SLC35F3: variants seen among roughly 807,000 people sequenced by gnomAD.
SLC35F3 encodes the protein putative thiamine transporter SLC35F3.
In SLC35F3, 25 loss-of-function variants were observed where a neutral mutation model predicts 49.9. That is an observed-to-expected ratio of 0.50 (90% CI 0.37 to 0.70). The LOEUF (loss-of-function observed/expected upper bound fraction) is 0.70, where lower values mean the gene tolerates loss of function less well. Ranked by LOEUF, SLC35F3 falls within the 30% of genes least tolerant of loss-of-function variation. SLC35F3 has a pLI of 0.00. For missense variants in SLC35F3, 525 were observed against 639.8 expected, an observed-to-expected ratio of 0.82 and a Z score of 1.94; for synonymous variants, 275 against 265.4, an observed-to-expected ratio of 1.04 and a Z score of -0.35.
intron 3 of SLC35F3, among the ~76,000 whole-genome samples, chr1:234,288,739 G>A (rs944050432): frequency 6.6e-6 from 1 of 152,170 alleles, no homozygotes; most frequent in African/African-American, 2.4e-5. Context: ...GGAAACTAAG[G>A]ATCCCAAAGA....
chr1:234,131,246 C>G (rs1665731910), intron 2 of SLC35F3, among the ~76,000 whole-genome samples: 1 of 152,112 alleles, frequency 6.6e-6, no homozygotes, highest in Admixed American at 6.6e-5. Flanking sequence ...AAATAAAAAG[C>G]TTATTAATGT....
chr1:234,005,814 T>A (rs1179471449), intron 2 of SLC35F3, among the ~76,000 whole-genome samples: 2 of 151,898 alleles, frequency 1.3e-5, no homozygotes, highest in African/African-American at 2.4e-5. Flanking sequence ...CTAAATCAAG[T>A]TGGATGGTTT....
intron 2 of SLC35F3, among the ~76,000 whole-genome samples, chr1:234,081,462 G>C (rs1373678480): frequency 2.0e-5 from 3 of 152,164 alleles, no homozygotes; most frequent in Non-Finnish European, 4.4e-5. Context: ...GTTTCCCAGA[G>C]TCAGGACCTG....
chr1:233,933,196 T>G (rs1356724300), intron 2 of SLC35F3, among the ~76,000 whole-genome samples: 1 of 152,194 alleles, frequency 6.6e-6, no homozygotes. Flanking sequence ...TTTAAAAGTT[T>G]TATCTATGTT....
intron 2 of SLC35F3, among the ~76,000 whole-genome samples, chr1:234,134,444 T>G (rs1244449542): frequency 1.3e-5 from 2 of 148,524 alleles, no homozygotes; most frequent in Non-Finnish European, 3.0e-5. Context: ...TATATAAATA[T>G]CCAAATTAAA....
chr1:234,153,849 G>A (rs931526697), intron 2 of SLC35F3, among the ~76,000 whole-genome samples: 48 of 152,248 alleles, frequency 3.2e-4, no homozygotes, highest in Non-Finnish European at 2.5e-4. Context: ...TGAGGCGGGC[G>A]GATCACGAGG....
intron 2 of SLC35F3, among the ~76,000 whole-genome samples, chr1:234,048,701 G>T (rs1163794616): frequency 6.6e-6 from 1 of 152,200 alleles, no homozygotes; most frequent in African/African-American, 2.4e-5. Flanking sequence ...TACATTCAGG[G>T]GTGGGACCAT....
chr1:233,939,707 G>A (rs780019994), intron 2 of SLC35F3, among the ~76,000 whole-genome samples: 5 of 152,158 alleles, frequency 3.3e-5, no homozygotes, highest in Non-Finnish European at 7.4e-5. Context: ...GCTGATCCCT[G>A]CTCCTGGCAC....
At chr1:234,213,479 A>C (rs1438947909) in intron 2 of SLC35F3, 1 of 152,258 alleles carries the variant, frequency 6.6e-6, no homozygotes, top group Non-Finnish European at 1.5e-5. Flanking sequence ...ACCTCTGATG[A>C]TGCACTGTCA....
Position 234,223,290 on chromosome 1 carries a change from G to C in SLC35F3, c.284-8127G>C, listed in dbSNP as rs1250945892. ...GATTACTGAGATGGTGATGATGGGT[G>C]GGAAAAGTGAGCTGGATCACGACCT... On this transcript the variant is annotated intron_variant, in intron 2 of 7. Coordinates refer to ENST00000366618, the MANE Select transcript of SLC35F3 (RefSeq NM_173508.4). Among the ~76,000 whole-genome samples, 3 of 152,122 alleles carry C rather than the reference G, an allele frequency of 2.0e-5. No individual in the cohort carries two copies. The East Asian group carries it at 5.8e-4, about 29-fold the overall frequency.
At chr1:234,116,105 A>G (rs1665482519) in intron 2 of SLC35F3, among the ~76,000 whole-genome samples, 1 of 152,234 alleles carries the variant, frequency 6.6e-6, no homozygotes, top group Non-Finnish European at 1.5e-5. Flanking sequence ...GGAATAGTCA[A>G]TTATGTATTT....
chr1:234,235,086 A>G (rs1274026464), intron 3 of SLC35F3, among the ~76,000 whole-genome samples: 3 of 152,190 alleles, frequency 2.0e-5, no homozygotes, highest in Admixed American at 1.3e-4. Flanking sequence ...TTCACAGGGC[A>G]TACAAGAACA....
At chr1:233,944,496 C>G (rs1444635929) in intron 2 of SLC35F3, among the ~76,000 whole-genome samples, 1 of 152,136 alleles carries the variant, frequency 6.6e-6, no homozygotes, top group Non-Finnish European at 1.5e-5. Context: ...GTCAAAGCTT[C>G]TACATCTAGT....
At chr1:234,272,388 A>T (rs1417036630) in intron 3 of SLC35F3, 1 of 152,220 alleles carries the variant, frequency 6.6e-6, no homozygotes, top group Non-Finnish European at 1.5e-5. Flanking sequence ...ACAAGTTAAG[A>T]AGTAGCACTT....
chr1:233,966,009 G>A (rs1662899959), intron 2 of SLC35F3, among the ~76,000 whole-genome samples: 1 of 152,184 alleles, frequency 6.6e-6, no homozygotes, highest in Admixed American at 6.5e-5. Context: ...CTGGGGCTTG[G>A]CTGTGGGCAG....
chr1:234,208,104 A>G (rs1024685702), intron 2 of SLC35F3, among the ~76,000 whole-genome samples: 6 of 152,340 alleles, frequency 3.9e-5, no homozygotes, highest in African/African-American at 1.4e-4. Flanking sequence ...CTGAGGCCAG[A>G]GGAGACTTGG....
chr1:234,246,550 TG>T (rs1236191405), intron 3 of SLC35F3, among the ~76,000 whole-genome samples: 1 of 152,256 alleles, frequency 6.6e-6, no homozygotes, highest in Non-Finnish European at 1.5e-5. Context: ...ATGTGTTTTC[TG>T]TCCATGAATC....
chr1:234,307,914 A>G (rs981491599), intron 3 of SLC35F3, among the ~76,000 whole-genome samples: 2 of 152,138 alleles, frequency 1.3e-5, no homozygotes, highest in African/African-American at 4.8e-5. Flanking sequence ...AAGCCTTCTC[A>G]GTGGCCTTTC....
chr1:234,300,486 T>C (rs1668676240), intron 3 of SLC35F3, among the ~76,000 whole-genome samples: 1 of 152,232 alleles, frequency 6.6e-6, no homozygotes, highest in Non-Finnish European at 1.5e-5. Context: ...TTTGTAAACA[T>C]GTATTATATG....
Sources: gnomAD v4.1 joint callset for allele counts (sites outside exome capture counted in the v4.1 genomes callset) on GRCh38, gnomAD v4.1.1 for gene constraint, MANE v1.5 for transcripts, NCBI Gene and HGNC (gene_info 2026-07-23, HGNC 2026-07-21) for gene names.